ALKBH3: variants seen among roughly 807,000 people sequenced by gnomAD.
ALKBH3 encodes alpha-ketoglutarate-dependent dioxygenase alkB homolog 3.
ALKBH3 carries 51 observed loss-of-function variants against 43.9 expected under a neutral mutation model. The observed-to-expected ratio is 1.16, with a 90% confidence interval of 0.93 to 1.47. The LOEUF (loss-of-function observed/expected upper bound fraction) is 1.47. Ranked by LOEUF, ALKBH3 falls within the 40% of genes most tolerant of loss-of-function variation. The pLI is 0.00. For missense variants in ALKBH3, 361 were observed against 351.9 expected (o/e 1.03, Z -0.21); for synonymous variants, 102 against 115.2 (o/e 0.89, Z 0.73).
At chr11:43,901,126 T>C (rs113097771) in intron 7 of ALKBH3, among the ~76,000 whole-genome samples, 11 of 152,292 alleles carry the variant, frequency 7.2e-5, no homozygotes, top group African/African-American at 2.6e-4. Context: ...GACTACCTAG[T>C]GACATATCGG....
intron 8 of ALKBH3, among the ~76,000 whole-genome samples, chr11:43,902,538 G>C (rs1478069100): frequency 2.0e-5 from 3 of 152,192 alleles, no homozygotes; most frequent in African/African-American, 7.2e-5. Context: ...TGATCATTCA[G>C]CTTATAATGT....
chr11:43,917,433 G>A (rs1951992668), intron 8 of ALKBH3, among the ~76,000 whole-genome samples: 1 of 152,100 alleles, frequency 6.6e-6, no homozygotes, highest in South Asian at 2.1e-4. Flanking sequence ...TCTCCTTAGT[G>A]TCTGTACTTG....
chr11:43,917,004 C>T (rs936111646), intron 8 of ALKBH3: 14 of 152,224 alleles, frequency 9.2e-5, no homozygotes, highest in Non-Finnish European at 1.5e-4. Flanking sequence ...TCACTTCTCA[C>T]AGAGGGTACA....
At chr11:43,882,239 T>C (rs1291475299) in intron 1 of ALKBH3, among the ~76,000 whole-genome samples, 1 of 152,240 alleles carries the variant, frequency 6.6e-6, no homozygotes, top group Non-Finnish European at 1.5e-5. Context: ...TTTCTCAATG[T>C]CCATGTAGGT....
chr11:43,906,237 T>C (rs111786856), intron 8 of ALKBH3, among the ~76,000 whole-genome samples: 6,758 of 152,286 alleles, frequency 0.044, 187 homozygotes, highest in Non-Finnish European at 0.063. Flanking sequence ...ACCCAATGAA[T>C]TGGAGGTCCT....
At chr11:43,894,305 T>C (rs1338057510) in intron 7 of ALKBH3, among the ~76,000 whole-genome samples, 1 of 152,196 alleles carries the variant, frequency 6.6e-6, no homozygotes, top group Non-Finnish European at 1.5e-5. Context: ...ACAACACTGT[T>C]TGAAATCCAC....
rs533399475 is a variant in ALKBH3, at chr11:43,900,087, T to C, written c.460-1429T>C. 1.4e-3 allele frequency among the ~76,000 whole-genome samples: 213 copies of C among 152,064 alleles called. 1 individual carries two copies. Among genetic ancestry groups the C allele is most frequent in the African/African-American group, 5.0e-3 (208 of 41,538 alleles). ...TCTATTAATTTAGATATTAAAAATT[T>C]GCAAAACAGTGTCACCCTTCTCATC... is the stretch of plus-strand genomic sequence containing the variant. On this transcript the variant is annotated intron_variant, in intron 7 of 9. Coordinates refer to ENST00000302708, the MANE Select transcript of ALKBH3 (RefSeq NM_139178.4).
chr11:43,912,850 A>T (rs1002631053), intron 8 of ALKBH3, among the ~76,000 whole-genome samples: 3 of 152,164 alleles, frequency 2.0e-5, no homozygotes, highest in Non-Finnish European at 4.4e-5. Context: ...TCCCTTCCTT[A>T]TCAGGAAAGT....
intron 3 of ALKBH3, 69 bp downstream of exon 3, chr11:43,883,257 C>T: frequency 9.3e-7 from 1 of 1,080,626 alleles, no homozygotes; most frequent in Non-Finnish European, 1.4e-6. Context: ...ACACAGTAGA[C>T]ACTCAAATAA....
chr11:43,905,248 G>C (rs759382584), intron 8 of ALKBH3, among the ~76,000 whole-genome samples: 1 of 152,134 alleles, frequency 6.6e-6, no homozygotes, highest in Non-Finnish European at 1.5e-5. Context: ...ATTAACTGCT[G>C]ATCTACTGAA....
Position 43,884,442 on chromosome 11 carries a change from T to A in ALKBH3, c.218+425T>A, listed in dbSNP as rs199958931. ...GCTAGTGCTGTAGATGAGCTTACAG[T>A]CCATTTATTAAAACCATGTAATTAT... On this transcript the variant is annotated intron_variant, in intron 4 of 9. Coordinates refer to ENST00000302708, the MANE Select transcript of ALKBH3 (RefSeq NM_139178.4). Among the ~76,000 whole-genome samples, 4 of 151,384 alleles carry A rather than the reference T, an allele frequency of 2.6e-5. No individual in the cohort carries two copies. The East Asian group carries it at 7.8e-4, about 29-fold the overall frequency.
intron 5 of ALKBH3, among the ~76,000 whole-genome samples, chr11:43,887,722 A>G (rs962881243): frequency 1.3e-5 from 2 of 152,196 alleles, no homozygotes; most frequent in Non-Finnish European, 2.9e-5. Context: ...CATGTATATT[A>G]CATATTGTAG....
At position 43,920,068 on chromosome 11, in the gene ALKBH3, C is replaced by A; in HGVS notation, c.*58C>A. On this transcript the variant is annotated 3_prime_UTR_variant, in exon 10 of 10. Transcript: ENST00000302708. ...ACGGAGCAAACCTTCCACTGAGAAG[C>A]CACTTCAAGAGGCTGGTGCTGCTAG... 6.7e-7 allele frequency: 1 copy of A among 1,486,250 alleles called. No individual in the cohort carries two copies. The highest frequency in any genetic ancestry group is 9.4e-7 in the Non-Finnish European group (1 of 1,066,784). The allele number at this position is 1,486,250 out of a possible 1,614,324, so 92.1% of individuals were successfully genotyped here.
rs1380885319 is a variant in ALKBH3 at position 43,919,136 on chromosome 11, G to A, written c.768G>A (p.Gln256=). ...AAGGAGCGACACAAGCTGACTGGCA[G>A]GTGAGGATCTGCAAGTAATATGAAT... is the stretch of plus-strand genomic sequence containing the variant. ...IMEGATQADW[Q]HRVPKEYHSR... is the part of the protein sequence containing the mutation. Residue 256 remains glutamine, a splice_region_variant and synonymous_variant, in exon 9 of 10, where the codon CAG becomes CAA. Transcript: ENST00000302708. The A allele has an allele frequency of 6.2e-7, 1 of 1,609,654 alleles. No homozygotes were observed. The highest frequency in any genetic ancestry group is 1.1e-5 in the South Asian group (1 of 90,958).
intron 8 of ALKBH3, among the ~76,000 whole-genome samples, chr11:43,905,282 T>A (rs1026893426): frequency 1.3e-5 from 2 of 152,338 alleles, no homozygotes; most frequent in South Asian, 4.1e-4. Context: ...CCACACACTG[T>A]ATTCCTAACA....
intron 8 of ALKBH3, among the ~76,000 whole-genome samples, chr11:43,911,620 ACTT>A (rs1174519622): frequency 6.6e-6 from 1 of 152,162 alleles, no homozygotes; most frequent in Non-Finnish European, 1.5e-5. Flanking sequence ...CTCTGCTCTA[ACTT>A]CTTTATTGAA....
intron 7 of ALKBH3, chr11:43,898,997 C>G: frequency 1.3e-6 from 1 of 754,102 alleles, no homozygotes; most frequent in South Asian, 1.4e-5. Context: ...CTGAGACCAT[C>G]TACCACTCTG....
chr11:43,920,269 C>G lies in ALKBH3; in HGVS notation c.*259C>G. On this transcript the variant is annotated 3_prime_UTR_variant, in exon 10 of 10. Transcript: ENST00000302708. ...AAATTAAAATCTATGTGGCAGTGCTCATGGATGATTTTGTTCTAAGCAGTT... is the reference window on the plus strand; with the variant it reads ...AAATTAAAATCTATGTGGCAGTGCTGATGGATGATTTTGTTCTAAGCAGTT... 2.7e-6 allele frequency: 1 copy of G among 372,966 alleles called. No homozygotes were observed. Among genetic ancestry groups the G allele is most frequent in the Non-Finnish European group, 4.9e-6 (1 of 204,430 alleles). 23.1% of individuals were successfully genotyped at this position (372,966 alleles called of 1,614,324 possible).
intron 8 of ALKBH3, among the ~76,000 whole-genome samples, chr11:43,906,606 T>G (rs1951897727): frequency 6.6e-6 from 1 of 152,144 alleles, no homozygotes; most frequent in Admixed American, 6.5e-5. Context: ...CCCAGCACTT[T>G]GGGAGGCCGA....
Sources: allele counts gnomAD v4.1 joint callset (sites outside exome capture counted in the v4.1 genomes callset), GRCh38; gene constraint gnomAD v4.1.1; transcripts MANE v1.5; gene names NCBI Gene and HGNC (gene_info 2026-07-23, HGNC 2026-07-21).